The following GOLGA3 variants were observed in gnomAD, a reference collection of about 807,000 sequenced individuals.
The protein encoded by GOLGA3 is golgin A3, also known as golgin subfamily A member 3.
GOLGA3 carries 75 observed loss-of-function variants against 169.4 expected under a neutral mutation model. The ratio of observed to expected loss-of-function variants is 0.44; its 90% CI spans 0.37 to 0.54. The LOEUF is 0.54. GOLGA3 is among the 20% of genes least tolerant of loss of function. The pLI, the probability that GOLGA3 is intolerant of heterozygous loss-of-function variation, is 0.00. For synonymous variants in GOLGA3, 824 were observed against 822.4 expected, an observed-to-expected ratio of 1.00 and a Z score of -0.03; for missense variants, 1,899 against 1,930.0, an observed-to-expected ratio of 0.98 and a Z score of 0.30.
chr12:132,796,490 C>A, intron 10 of GOLGA3, 49 bp downstream of exon 10: 1 of 1,568,142 alleles, frequency 6.4e-7, no homozygotes, highest in Non-Finnish European at 8.6e-7. Context: ...CCTGGCTGCT[C>A]GGGATCACCT....
In GOLGA3 at chr12:132,772,881, C is replaced by G. The variant is rs1411720365; in HGVS notation, c.*224G>C. The G allele has an allele frequency of 4.2e-6, 2 of 481,074 alleles. No homozygotes were observed. The highest frequency in any genetic ancestry group is 4.1e-5 in the African/African-American group (2 of 49,240). 29.8% of individuals were successfully genotyped at this position (481,074 alleles called of 1,614,324 possible). A position where few individuals can be genotyped will look rare whatever the true frequency, so the allele number is the denominator to read the frequency against. Reference sequence around the variant, plus strand: ...ACGTTCAAAGCTCCTCGCCGAGAGCCTATCAGGCTTTTAAGAGTTGGTCAT... The same window carrying G: ...ACGTTCAAAGCTCCTCGCCGAGAGCGTATCAGGCTTTTAAGAGTTGGTCAT... On this transcript the variant is annotated 3_prime_UTR_variant, in exon 24 of 24. Coordinates refer to ENST00000450791, the MANE Select transcript of GOLGA3 (RefSeq NM_001389683.1).
rs777177784 is a variant in GOLGA3, at chr12:132,782,367, G to A, written c.3394C>T (p.Arg1132Trp). The A allele has an allele frequency of 8.1e-6, 13 of 1,614,212 alleles. No individual in the cohort carries two copies. In the South Asian group the frequency reaches 8.8e-5, roughly 11 times the overall value. The change falls in exon 17 of 24, where the codon CGG (arginine) becomes TGG (tryptophan). Residue 1132 changes from arginine (R) to tryptophan (W), a missense_variant. Physicochemically the swap from Arg to Trp is moderately radical, Grantham distance 101. Transcript: ENST00000450791. ...GTTTCTAGGATGCTGTTGTGTTCCC[G>A]CAGAGCTGCGTTGGACTGACCGAGG... ...TGLGQSNAAL[R>W]EHNSILETAL...
intron 8 of GOLGA3, among the ~76,000 whole-genome samples, chr12:132,799,215 C>T (rs866621759): frequency 3.9e-5 from 6 of 152,178 alleles, no homozygotes; most frequent in African/African-American, 4.8e-5. Flanking sequence ...GACTGTGTTT[C>T]GAGACCATGA....
At chr12:132,789,628 A>G (rs1420588914) in intron 12 of GOLGA3, among the ~76,000 whole-genome samples, 2 of 152,192 alleles carry the variant, frequency 1.3e-5, no homozygotes, top group African/African-American at 4.8e-5. Context: ...TGGCTCAGTA[A>G]TAAAGCAAAG....
In GOLGA3 at chr12:132,822,296, G is replaced by A. The variant is rs1950253201; in HGVS notation, c.-168C>T. 10 of 1,365,788 alleles carry A rather than the reference G, an allele frequency of 7.3e-6. No individual in the cohort carries two copies. Among genetic ancestry groups the A allele is most frequent in the Non-Finnish European group, 8.5e-6 (9 of 1,064,164 alleles). 84.6% of individuals were successfully genotyped at this position (1,365,788 alleles called of 1,614,324 possible). ...TCACAAATGACTTGATGTCAAACCA[G>A]CTAATATCATGATACCTGACAGGAG... On this transcript the variant is annotated 5_prime_UTR_variant, in exon 2 of 24. Transcript: ENST00000450791.
rs960151359 is a variant in GOLGA3 at position 132,808,538 on chromosome 12, A to G, written c.531T>C (p.Pro177=). Residue 177 remains proline (P), a synonymous_variant, in exon 5 of 24, where the codon CCT becomes CCC. Coordinates refer to ENST00000450791, the MANE Select transcript of GOLGA3 (RefSeq NM_001389683.1). ...TGCTAAAAAGTCTCGTTTTGGTTGC[A>G]GGTTGACTGGACTGAGAAGAAAACA... The part of the protein sequence containing the change: ...VKRQQERSSQ[P]ATKTRLFSTL... 6.3e-7 allele frequency: 1 copy of G among 1,590,184 alleles called. No homozygotes were observed. Among genetic ancestry groups the G allele is most frequent in the Non-Finnish European group, 8.6e-7 (1 of 1,167,410 alleles).
intron 8 of GOLGA3, among the ~76,000 whole-genome samples, chr12:132,799,739 GT>G (rs1336329709): frequency 5.1e-4 from 75 of 146,138 alleles, no homozygotes; most frequent in East Asian, 7.9e-4. Context: ...CTTGTTGTTG[GT>G]TTTTTTTTTT....
At chr12:132,780,106 C>G (rs1251877889) in intron 18 of GOLGA3, among the ~76,000 whole-genome samples, 3 of 86,930 alleles carry the variant, frequency 3.5e-5, no homozygotes, top group Non-Finnish European at 8.0e-5. Context: ...CACTTGCACG[C>G]ACAGCCCCCC....
intron 13 of GOLGA3, among the ~76,000 whole-genome samples, chr12:132,788,184 CAAT>C (rs2046027060): frequency 6.6e-6 from 1 of 152,140 alleles, no homozygotes; most frequent in Non-Finnish European, 1.5e-5. Flanking sequence ...CACTTTCCAA[CAAT>C]GATGGTGCCG....
intron 6 of GOLGA3, among the ~76,000 whole-genome samples, chr12:132,805,336 G>A (rs573469091): frequency 2.0e-5 from 1 of 49,838 alleles, no homozygotes; most frequent in African/African-American, 9.1e-5. Context: ...CCTGACAGGG[G>A]ACCCCGAGAC....
chr12:132,788,965 C>G, intron 13 of GOLGA3, 62 bp downstream of exon 13: 1 of 1,465,484 alleles, frequency 6.8e-7, no homozygotes, highest in Non-Finnish European at 9.2e-7. Context: ...AGGCCCCACC[C>G]TCCCGACAAG....
chr12:132,827,484 G>T (rs899163689), intron 1 of GOLGA3: 1 of 152,134 alleles, frequency 6.6e-6, no homozygotes, highest in South Asian at 2.1e-4. Context: ...ATTTTGCCAG[G>T]ATTAAATATA....
chr12:132,774,069 C>T, intron 23 of GOLGA3, 88 bp downstream of exon 23: 2 of 1,269,940 alleles, frequency 1.6e-6, no homozygotes, highest in Non-Finnish European at 2.2e-6. Context: ...CTGCTGGGCA[C>T]TCAGTACTGG....
chr12:132,788,770 C>CCCTT (rs2046060373), intron 13 of GOLGA3, among the ~76,000 whole-genome samples: 1 of 152,214 alleles, frequency 6.6e-6, no homozygotes, highest in Admixed American at 6.5e-5. Flanking sequence ...CTCACTCCCT[C>CCCTT]CCTTCATGCA....
Position 132,777,097 on chromosome 12 carries a change from T to TA in GOLGA3, c.3723-8dup, listed in dbSNP as rs1555249724. 3.2e-6 allele frequency: 5 copies of TA among 1,571,234 alleles called. No individual in the cohort carries two copies. The highest frequency in any genetic ancestry group is 1.4e-5 in the African/African-American group (1 of 72,886). ...ATGTTTCCCCTCCCGAATCCTAGCG[T>TA]AAAAAAACAAGAAAGAAGGGAATCG... On this transcript the variant is annotated splice_polypyrimidine_tract_variant and splice_region_variant and intron_variant, in intron 19 of 23. Transcript: ENST00000450791. This position sits in a 1 kb window ranked among gnomAD's most constrained non-coding sequence, Gnocchi z 4.7.
chr12:132,796,647 C>T lies in GOLGA3; in HGVS notation c.1992G>A (p.Thr664=), dbSNP rs144524616. Residue 664 remains threonine (T), a synonymous_variant, in exon 10 of 24, where the codon ACG becomes ACA. Transcript: ENST00000450791. ...AAFMQIQEAK[T]MVEEDLQRRL... ...TCCTCTGAAGGTCCTCCTCCACCAT[C>T]GTCTTTGCCTCCTGAATCTGCATGA... 36 of 1,614,106 alleles carry T rather than the reference C, an allele frequency of 2.2e-5. No individual in the cohort carries two copies. Among genetic ancestry groups the T allele is most frequent in the African/African-American group, 1.9e-4 (14 of 75,072 alleles).
intron 13 of GOLGA3, 73 bp downstream of exon 13, chr12:132,788,953 AC>A: frequency 9.9e-7 from 1 of 1,014,774 alleles, no homozygotes. Context: ...CGCCCCAGAC[AC>A]AGGCCCCACC....
At position 132,773,028 on chromosome 12, in the gene GOLGA3, A is replaced by G; in HGVS notation, c.*77T>C. 1 of 1,089,812 alleles carries G rather than the reference A, an allele frequency of 9.2e-7. No individual in the cohort carries two copies. Among genetic ancestry groups the G allele is most frequent in the Non-Finnish European group, 1.3e-6 (1 of 780,416 alleles). The allele number at this position is 1,089,812 out of a possible 1,614,324, so 67.5% of individuals were successfully genotyped here. ...CTTAAATTTCATGTCTTAGAAAAAC[A>G]TCGACCACACAATCAAATAAATAAC... On this transcript the variant is annotated 3_prime_UTR_variant, in exon 24 of 24. Coordinates refer to ENST00000450791, the MANE Select transcript of GOLGA3 (RefSeq NM_001389683.1).
Position 132,801,900 on chromosome 12 carries a change from G to A in GOLGA3, c.1667C>T (p.Thr556Met), listed in dbSNP as rs751846530. Reference protein sequence around the residue: ...QLQQVQLERTTLTSKLKASQA... With the variant: ...QLQQVQLERTMLTSKLKASQA... ...CGACGCCTTCAGCTTGCTGGTCAGC[G>A]TCGTCCGCTCCAGCTGCACCTGCTG... Residue 556 changes from threonine to methionine, a missense_variant, in exon 8 of 24, where the codon ACG (threonine) becomes ATG (methionine). Physicochemically the swap from Thr to Met is moderately conservative, Grantham distance 81 (BLOSUM62 -1). Coordinates refer to ENST00000450791, the MANE Select transcript of GOLGA3 (RefSeq NM_001389683.1). The A allele has an allele frequency of 1.7e-5, 27 of 1,602,768 alleles. No individual in the cohort carries two copies. The highest frequency in any genetic ancestry group is 2.7e-5 in the African/African-American group (2 of 74,946).
Sources: gnomAD v4.1 joint callset for allele counts (sites outside exome capture counted in the v4.1 genomes callset) on GRCh38, gnomAD v4.1.1 for gene constraint, Gnocchi (gnomAD v3.1) non-coding constraint, MANE v1.5 for transcripts, NCBI Gene and HGNC (gene_info 2026-07-23, HGNC 2026-07-21) for gene names.